Variants in MACROD2 observed in about 807,000 individuals in gnomAD.
MACROD2 encodes the protein mono-ADP ribosylhydrolase 2, also known as ADP-ribose glycohydrolase MACROD2.
A neutral mutation model predicts 70.4 loss-of-function variants in MACROD2; 36 were observed. The ratio of observed to expected loss-of-function variants is 0.51; its 90% confidence interval spans 0.39 to 0.68. MACROD2 has a LOEUF of 0.68. Among genes scored for constraint, MACROD2 ranks in the 30% least tolerant of loss-of-function variants. The pLI is 0.00. For missense variants in MACROD2, 496 were observed against 538.4 expected (o/e 0.92, Z 0.78); for synonymous variants, 172 against 178.8 (o/e 0.96, Z 0.30).
At chr20:14,504,279 C>T (rs975267522) in intron 4 of MACROD2, among the ~76,000 whole-genome samples, 2 of 152,154 alleles carry the variant, frequency 1.3e-5, no homozygotes, top group African/African-American at 2.4e-5. Context: ...ATTGCACATA[C>T]ATTATCTATG....
At chr20:15,678,507 C>G (rs1010329864) in intron 8 of MACROD2, among the ~76,000 whole-genome samples, 1 of 152,022 alleles carries the variant, frequency 6.6e-6, no homozygotes, top group African/African-American at 2.4e-5. Context: ...CTACAGGCGC[C>G]CGCCACCATG....
intron 8 of MACROD2, among the ~76,000 whole-genome samples, chr20:15,861,557 T>G (rs552885496): frequency 6.6e-6 from 1 of 152,336 alleles, no homozygotes; most frequent in South Asian, 2.1e-4. Context: ...CTGCATGGTC[T>G]TTGATGATTA....
intron 6 of MACROD2, among the ~76,000 whole-genome samples, chr20:15,422,329 G>C (rs1179267459): frequency 6.6e-6 from 1 of 152,146 alleles, no homozygotes; most frequent in Non-Finnish European, 1.5e-5. Context: ...AGGAGAGAAA[G>C]CGTGTGGCTG....
chr20:14,860,050 C>A (rs2073297714), intron 5 of MACROD2, among the ~76,000 whole-genome samples: 1 of 152,062 alleles, frequency 6.6e-6, no homozygotes, highest in African/African-American at 2.4e-5. Flanking sequence ...TAAGTATATC[C>A]ATTAATTTCA....
chr20:14,593,956 T>G (rs1165954297), intron 4 of MACROD2, among the ~76,000 whole-genome samples: 1 of 152,194 alleles, frequency 6.6e-6, no homozygotes, highest in Non-Finnish European at 1.5e-5. Context: ...AAAATGGTCT[T>G]GATTTACATT....
Position 14,439,137 on chromosome 20 carries a change from A to G in MACROD2, c.272-54342A>G, listed in dbSNP as rs1034153046. 5.9e-5 allele frequency among the ~76,000 whole-genome samples: 9 copies of G among 152,140 alleles called. 1 individual carries two copies. The South Asian group carries it at 1.4e-3, about 24-fold the overall frequency. On this transcript the variant is annotated intron_variant, in intron 3 of 17. Transcript: ENST00000684519. ...TCGCATGTGGAAATCAAGTTTTTGTAGCACTATTTGTTGAGGAGACTATTT... is the reference window on the plus strand; with the variant it reads ...TCGCATGTGGAAATCAAGTTTTTGTGGCACTATTTGTTGAGGAGACTATTT...
chr20:14,076,497 A>G (rs527607035), intron 2 of MACROD2, among the ~76,000 whole-genome samples: 1 of 151,582 alleles, frequency 6.6e-6, no homozygotes, highest in East Asian at 1.9e-4. Context: ...CAAAAAAAAA[A>G]CCCCAAACGC....
chr20:14,514,425 C>T (rs964438270), intron 4 of MACROD2, among the ~76,000 whole-genome samples: 1 of 152,038 alleles, frequency 6.6e-6, no homozygotes, highest in Non-Finnish European at 1.5e-5. Flanking sequence ...AGCTGACTGG[C>T]TATAGAAGAC....
intron 5 of MACROD2, among the ~76,000 whole-genome samples, chr20:14,788,722 C>G (rs1193873936): frequency 7.4e-6 from 1 of 134,484 alleles, no homozygotes; most frequent in East Asian, 2.2e-4. Context: ...CTTCTTTGTA[C>G]TTTTTGTATT....
At chr20:14,105,662 A>G (rs2054359598) in intron 3 of MACROD2, among the ~76,000 whole-genome samples, 1 of 152,172 alleles carries the variant, frequency 6.6e-6, no homozygotes, top group Non-Finnish European at 1.5e-5. Flanking sequence ...CTAGAGAGAC[A>G]CCAAATGGGG....
intron 9 of MACROD2, among the ~76,000 whole-genome samples, chr20:15,872,238 C>T (rs1442461316): frequency 1.3e-5 from 2 of 152,158 alleles, no homozygotes; most frequent in Non-Finnish European, 2.9e-5. Context: ...CTTCTTATCT[C>T]CTCTCTGGTC....
In MACROD2 at chr20:15,904,880, CAAAAAAAAAA is replaced by C. The variant is rs10556594; in HGVS notation, c.775+19084_775+19093del. On this transcript the variant is annotated intron_variant, in intron 10 of 17. Transcript: ENST00000684519. ...TGCGCGAAAGAGAGAGACTCTGTCT[CAAAAAAAAAA>C]AAAAAAAAAAAAAAGAAGGAAGAAA... 8.6e-3 allele frequency among the ~76,000 whole-genome samples: 1,114 copies of C among 128,986 alleles called. 10 individuals carry two copies. Among genetic ancestry groups the C allele is most frequent in the African/African-American group, 0.026 (860 of 33,060 alleles). 84.6% of individuals were successfully genotyped at this position (128,986 alleles called of 152,430 possible). A position where few individuals can be genotyped will look rare whatever the true frequency, so the allele number is the denominator to read the frequency against.
chr20:14,300,107 T>C (rs1199534760), intron 3 of MACROD2, among the ~76,000 whole-genome samples: 1 of 152,196 alleles, frequency 6.6e-6, no homozygotes, highest in Non-Finnish European at 1.5e-5. Flanking sequence ...ACTGATAGTT[T>C]GAGTGAGGCT....
At chr20:15,062,842 T>C (rs2075543912) in intron 5 of MACROD2, among the ~76,000 whole-genome samples, 1 of 152,122 alleles carries the variant, frequency 6.6e-6, no homozygotes, top group African/African-American at 2.4e-5. Flanking sequence ...CAGGTGATGG[T>C]TCCTGCCTTA....
intron 5 of MACROD2, among the ~76,000 whole-genome samples, chr20:14,750,752 C>T (rs1292257159): frequency 6.6e-6 from 1 of 152,002 alleles, no homozygotes; most frequent in African/African-American, 2.4e-5. Context: ...AGCCACCATG[C>T]CTGGCCGTAA....
At position 14,352,803 on chromosome 20, in the gene MACROD2, C is replaced by T. The variant is rs571308057; in HGVS notation, c.272-140676C>T. On this transcript the variant is annotated intron_variant, in intron 3 of 17. Transcript: ENST00000684519. ...TCCATTTTTTTTTTTAGTAGATAAA[C>T]ATGGAAGTACAGAGACTAATAGAAC... Among the ~76,000 whole-genome samples, 897 of 150,776 alleles carry T rather than the reference C, an allele frequency of 5.9e-3. 9 individuals carry two copies. The highest frequency in any genetic ancestry group is 0.027 in the Middle Eastern group (8 of 294).
At chr20:15,504,305 C>A (rs1420107940) in intron 8 of MACROD2, among the ~76,000 whole-genome samples, 1 of 152,032 alleles carries the variant, frequency 6.6e-6, no homozygotes, top group Non-Finnish European at 1.5e-5. Flanking sequence ...AACGCTGCTG[C>A]ACACACAGCA....
intron 5 of MACROD2, among the ~76,000 whole-genome samples, chr20:14,861,003 T>G (rs1600733233): frequency 6.6e-6 from 1 of 152,140 alleles, no homozygotes; most frequent in East Asian, 1.9e-4. Context: ...TCATCTCATG[T>G]TTATCAGTTC....
At chr20:14,325,325 A>G (rs2122567608) in intron 3 of MACROD2, 1 of 386,386 alleles carries the variant, frequency 2.6e-6, no homozygotes, top group Non-Finnish European at 4.6e-6. Flanking sequence ...ACTAAAAAAT[A>G]CTAAAATATA....
Sources: allele counts gnomAD v4.1 joint callset (sites outside exome capture counted in the v4.1 genomes callset), GRCh38; gene constraint gnomAD v4.1.1; transcripts MANE v1.5; gene names NCBI Gene and HGNC (gene_info 2026-07-23, HGNC 2026-07-21).